RFC1: variants seen among roughly 807,000 people sequenced by gnomAD.
RFC1 encodes A1 140 kDa subunit.
A neutral mutation model predicts 137.4 loss-of-function variants in RFC1; 37 were observed. That is an observed-to-expected ratio of 0.27 (90% CI 0.21 to 0.35). RFC1 has a LOEUF of 0.35. Ranked by LOEUF, RFC1 falls within the 10% of genes least tolerant of loss-of-function variation. The pLI, the probability that RFC1 is intolerant of heterozygous loss-of-function variation, is 1.00. For missense variants in RFC1, 1,205 were observed against 1,358.5 expected (o/e 0.89, Z 1.78); for synonymous variants, 429 against 455.7 (o/e 0.94, Z 0.75).
At chr4:39,290,791 G>C (rs1197610919) in intron 23 of RFC1, among the ~76,000 whole-genome samples, 1 of 149,446 alleles carries the variant, frequency 6.7e-6, no homozygotes, top group Admixed American at 6.7e-5. Context: ...CTTCAGCCTG[G>C]GCAACAGAGC....
At chr4:39,332,692 G>T (rs533377673) in intron 4 of RFC1, among the ~76,000 whole-genome samples, 1 of 152,136 alleles carries the variant, frequency 6.6e-6, no homozygotes, top group African/African-American at 2.4e-5. Context: ...GCTGAACAGG[G>T]AGAAAAAGTT....
At chr4:39,321,719 A>T (rs1328162335) in intron 7 of RFC1, 1 of 166,310 alleles carries the variant, frequency 6.0e-6, no homozygotes, top group African/African-American at 2.4e-5. Flanking sequence ...CTAAATTTAA[A>T]AGACTAAAAT....
chr4:39,342,166 T>C (rs1467575658), intron 4 of RFC1, among the ~76,000 whole-genome samples, 179 bp downstream of exon 4: 2 of 152,218 alleles, frequency 1.3e-5, no homozygotes, highest in African/African-American at 4.8e-5. Flanking sequence ...TCCCTGTAAT[T>C]GGTCCTTAAT....
At chr4:39,333,135 C>T (rs553099732) in intron 4 of RFC1, among the ~76,000 whole-genome samples, 2 of 152,312 alleles carry the variant, frequency 1.3e-5, no homozygotes, top group African/African-American at 4.8e-5. Context: ...CTGGGTTTCA[C>T]TGCGATCTTC....
intron 23 of RFC1, 63 bp downstream of exon 23, chr4:39,291,576 A>G (rs1415039720): frequency 8.7e-7 from 1 of 1,154,084 alleles, no homozygotes; most frequent in Non-Finnish European, 1.3e-6. Context: ...ACACCTCCGA[A>G]GTATTGTCAG....
chr4:39,302,418 C>T (rs1738407942), intron 18 of RFC1, 42 bp from the exon 19 acceptor site: 1 of 1,531,768 alleles, frequency 6.5e-7, no homozygotes, highest in Non-Finnish European at 9.0e-7. Context: ...ATAGGAAAAT[C>T]CTGTTGCTCC....
chr4:39,360,544 TAAA>T (rs758741316), intron 1 of RFC1, among the ~76,000 whole-genome samples: 1 of 145,526 alleles, frequency 6.9e-6, no homozygotes, highest in African/African-American at 2.5e-5. Flanking sequence ...TAAAATAAAA[TAAA>T]ATAAAATAAA....
intron 1 of RFC1, among the ~76,000 whole-genome samples, chr4:39,364,869 T>C (rs1055903254): frequency 2.0e-5 from 3 of 152,174 alleles, no homozygotes; most frequent in Admixed American, 6.5e-5. Flanking sequence ...AACTAGACTA[T>C]ACTAACATAG....
In RFC1 at chr4:39,334,120, A is replaced by G. The variant is rs17334846; in HGVS notation, c.332-6364T>C. Among the ~76,000 whole-genome samples the G allele has an allele frequency of 5.5e-4, 83 of 152,160 alleles. No individual in the cohort carries two copies. The East Asian group carries it at 0.015, about 28-fold the overall frequency. Reference sequence around the variant, plus strand: ...CTATTTAGTGCCCCCTGATTTGCCAATTTCCCCATACTCCTTACAGTTATG... The same window carrying G: ...CTATTTAGTGCCCCCTGATTTGCCAGTTTCCCCATACTCCTTACAGTTATG... On this transcript the variant is annotated intron_variant, in intron 4 of 24. Coordinates refer to ENST00000349703, the MANE Select transcript of RFC1 (RefSeq NM_002913.5).
At chr4:39,356,778 CT>C (rs1448165468) in intron 1 of RFC1, among the ~76,000 whole-genome samples, 3 of 152,062 alleles carry the variant, frequency 2.0e-5, no homozygotes, top group Non-Finnish European at 4.4e-5. Flanking sequence ...AAACTAATAA[CT>C]TTTTTAAAGA....
intron 21 of RFC1, among the ~76,000 whole-genome samples, chr4:39,297,946 T>A (rs1738114191): frequency 6.6e-6 from 1 of 152,212 alleles, no homozygotes; most frequent in African/African-American, 2.4e-5. Flanking sequence ...TACATTAAGC[T>A]TTTCCTGTGT....
chr4:39,359,252 C>G (rs558603757), intron 1 of RFC1, among the ~76,000 whole-genome samples: 1 of 152,268 alleles, frequency 6.6e-6, no homozygotes, highest in South Asian at 2.1e-4. Context: ...ACACAACTTT[C>G]TAGAGGCCTC....
At chr4:39,301,176 T>G (rs1222719367) in intron 19 of RFC1, among the ~76,000 whole-genome samples, 4 of 151,542 alleles carry the variant, frequency 2.6e-5, no homozygotes, top group Admixed American at 2.0e-4. Flanking sequence ...AAAAGCCAAC[T>G]GGAAAAGTCC....
At chr4:39,321,151 A>G in intron 8 of RFC1, 136 bp downstream of exon 8, 1 of 662,664 alleles carries the variant, frequency 1.5e-6, no homozygotes, top group Non-Finnish European at 2.5e-6. Context: ...TCTAAGTTCA[A>G]TATGCTCTAA....
intron 1 of RFC1, among the ~76,000 whole-genome samples, chr4:39,356,174 G>GT (rs1417626365): frequency 6.6e-6 from 1 of 152,106 alleles, no homozygotes. Context: ...GCCGAGGCGG[G>GT]TGGATTACGA....
intron 16 of RFC1, 24 bp from the exon 17 acceptor site, chr4:39,302,898 A>C (rs1222488017): frequency 6.4e-7 from 1 of 1,565,912 alleles, no homozygotes. Context: ...TTGCAACACA[A>C]AAATAATTAT....
chr4:39,310,414 T>C (rs1033713286), intron 12 of RFC1, among the ~76,000 whole-genome samples: 3 of 152,244 alleles, frequency 2.0e-5, no homozygotes, highest in African/African-American at 4.8e-5. Context: ...AACTATGCTA[T>C]GGTTATGTAA....
chr4:39,321,138 G>A (rs763759495), intron 8 of RFC1, 149 bp downstream of exon 8: 1 of 606,430 alleles, frequency 1.6e-6, no homozygotes, highest in Non-Finnish European at 2.8e-6. Context: ...AGCTTTCAAA[G>A]TTTCTAAGTT....
At chr4:39,346,330 G>C (rs1740856128) in intron 2 of RFC1, among the ~76,000 whole-genome samples, 4 of 152,120 alleles carry the variant, frequency 2.6e-5, no homozygotes, top group Admixed American at 2.0e-4. Flanking sequence ...TACAAAATTA[G>C]CCAGGCGTGG....
Sources: gnomAD v4.1 joint callset for allele counts (sites outside exome capture counted in the v4.1 genomes callset) on GRCh38, gnomAD v4.1.1 for gene constraint, MANE v1.5 for transcripts, NCBI Gene and HGNC (gene_info 2026-07-23, HGNC 2026-07-21) for gene names.